Variants in SLC39A13 observed in about 807,000 individuals in gnomAD.
The protein encoded by SLC39A13 is solute carrier family 39 member 13, also known as zinc transporter ZIP13.
SLC39A13 carries 18 observed loss-of-function variants against 38.7 expected under a neutral mutation model. That is an observed-to-expected ratio of 0.47 (90% CI 0.32 to 0.69). SLC39A13 has a LOEUF of 0.69. Ranked by LOEUF, SLC39A13 falls within the 30% of genes least tolerant of loss-of-function variation. The pLI is 0.03. For synonymous variants in SLC39A13, 212 were observed against 219.1 expected (o/e 0.97, Z 0.29); for missense variants, 395 against 490.7 (o/e 0.80, Z 1.84).
chr11:47,411,561 C>T (rs2095999444), intron 2 of SLC39A13, among the ~76,000 whole-genome samples: 2 of 152,196 alleles, frequency 1.3e-5, no homozygotes, highest in Admixed American at 6.5e-5. Flanking sequence ...ACCAAGATCA[C>T]GCCACTGCAC....
chr11:47,411,106 T>G (rs540302389), intron 2 of SLC39A13, among the ~76,000 whole-genome samples: 2 of 152,294 alleles, frequency 1.3e-5, no homozygotes, highest in South Asian at 4.1e-4. Flanking sequence ...CAGTTTCCCC[T>G]GGGATCCCAC....
Position 47,415,356 on chromosome 11 carries a change from T to C in SLC39A13, c.1109T>C (p.Val370Ala). Reference protein sequence around the residue: ...IVVMVLFSLFVD With the variant: ...IVVMVLFSLFAD ...GTAATGGTGCTGTTCTCGCTCTTCG[T>C]GGATTAACTTTCCCTGATGCCGACG... The change falls in exon 10 of 10, where the codon GTG becomes GCG. Residue 370 changes from valine (V) to alanine (A), a missense_variant. Coordinates refer to ENST00000362021, the MANE Select transcript of SLC39A13 (RefSeq NM_001128225.3). The C allele has an allele frequency of 3.1e-6, 5 of 1,613,996 alleles. No individual in the cohort carries two copies. The highest frequency in any genetic ancestry group is 4.2e-6 in the Non-Finnish European group (5 of 1,180,000).
chr11:47,408,169 T>C (rs939224043), upstream of SLC39A13, among the ~76,000 whole-genome samples: 2 of 152,184 alleles, frequency 1.3e-5, no homozygotes, highest in African/African-American at 2.4e-5. Context: ...GAGCGCACAG[T>C]AGTCCTCCCA....
Position 47,415,377 on chromosome 11 carries a change from C to G in SLC39A13, c.*14C>G. 6.2e-7 allele frequency: 1 copy of G among 1,613,664 alleles called. No homozygotes were observed. The highest frequency in any genetic ancestry group is 1.6e-4 in the Middle Eastern group (1 of 6,062). Reference sequence around the variant, plus strand: ...TTCGTGGATTAACTTTCCCTGATGCCGACGCCCCTGCCCCCTGCAGCAATA... The same window carrying G: ...TTCGTGGATTAACTTTCCCTGATGCGGACGCCCCTGCCCCCTGCAGCAATA... On this transcript the variant is annotated 3_prime_UTR_variant, in exon 10 of 10. Coordinates refer to ENST00000362021, the MANE Select transcript of SLC39A13 (RefSeq NM_001128225.3).
In SLC39A13 at chr11:47,412,480, C is replaced by T. The variant is rs1198805632; in HGVS notation, c.537+13C>T. The stretch of plus-strand genomic sequence containing the variant: ...GGGGACCAGCCAGGTGGGCCCCACA[C>T]TCAAGGGCCTGGATATATCAGCCTC... On this transcript the variant is annotated intron_variant, in intron 4 of 9. Transcript: ENST00000362021. The T allele has an allele frequency of 8.7e-6, 14 of 1,614,004 alleles. No individual in the cohort carries two copies. Among genetic ancestry groups the T allele is most frequent in the Non-Finnish European group, 1.1e-5 (13 of 1,179,984 alleles).
At chr11:47,413,563 C>T (rs2096010538) in intron 5 of SLC39A13, 34 bp from the exon 6 acceptor site, 1 of 1,614,016 alleles carries the variant, frequency 6.2e-7, no homozygotes, top group Admixed American at 1.7e-5. Context: ...GCCAGCCCCA[C>T]TCAGCCCTGC....
chr11:47,411,831 C>A, intron 2 of SLC39A13, 95 bp from the exon 3 acceptor site: 2 of 1,237,126 alleles, frequency 1.6e-6, no homozygotes, highest in Non-Finnish European at 2.3e-6. Context: ...TCCAGCCTTG[C>A]AGGCCCAGAA....
chr11:47,411,824 A>C (rs1169063550), intron 2 of SLC39A13, 102 bp from the exon 3 acceptor site: 2 of 1,162,638 alleles, frequency 1.7e-6, no homozygotes, highest in Non-Finnish European at 1.2e-6. Context: ...ACCCATATCC[A>C]GCCTTGCAGG....
At position 47,414,785 on chromosome 11, in the gene SLC39A13, CTT is replaced by C; in HGVS notation, c.797_798del (p.Phe266CysfsTer9). 1 of 1,609,314 alleles carries C rather than the reference CTT, an allele frequency of 6.2e-7. No homozygotes were observed. The highest frequency in any genetic ancestry group is 8.5e-7 in the Non-Finnish European group (1 of 1,179,998). On this transcript the variant is annotated frameshift_variant, in exon 8 of 10. Coordinates refer to ENST00000362021, the MANE Select transcript of SLC39A13 (RefSeq NM_001128225.3). LOFTEE classifies it high-confidence loss of function. The part of the protein sequence containing the change: ...LHEIPHEVGD[F>X]AILLRAGFDR... The stretch of plus-strand genomic sequence containing the variant: ...TCTGGACCTCCCTTCAGGTGGGCGA[CTT>C]TGCCATCCTGCTCCGGGCCGGCTTT...
intron 2 of SLC39A13, among the ~76,000 whole-genome samples, chr11:47,411,195 C>T (rs561987823): frequency 2.0e-5 from 3 of 152,274 alleles, no homozygotes; most frequent in East Asian, 3.9e-4. Flanking sequence ...TTCAGGCAGG[C>T]GACTTCCAAC....
chr11:47,410,069 GC>G lies in SLC39A13; in HGVS notation c.-8-16del, dbSNP rs1292601033. 1 of 1,611,756 alleles carries G rather than the reference GC, an allele frequency of 6.2e-7. No individual in the cohort carries two copies. The highest frequency in any genetic ancestry group is 1.7e-5 in the Admixed American group (1 of 60,024). ...GCCAAGGCTGTAGCTCATATAGGTG[GC>G]CTTTTGTGTTTTTCAGTACGTGGCA... On this transcript the variant is annotated splice_polypyrimidine_tract_variant and intron_variant, in intron 1 of 9. Transcript: ENST00000362021.
chr11:47,414,975 C>A, intron 8 of SLC39A13, 64 bp from the exon 9 acceptor site: 4 of 1,607,778 alleles, frequency 2.5e-6, no homozygotes, highest in South Asian at 2.2e-5. Context: ...AAGGGTGTGG[C>A]TACCGCACTG....
intron 7 of SLC39A13, 132 bp downstream of exon 7, chr11:47,414,607 T>A: frequency 6.7e-7 from 1 of 1,483,066 alleles, no homozygotes; most frequent in South Asian, 1.1e-5. Flanking sequence ...CTGTGAGGGC[T>A]GGAGCTCCTC....
intron 6 of SLC39A13, chr11:47,413,962 CCCTCTGGCCTCTGG>C (rs749045643): frequency 1.4e-6 from 1 of 699,962 alleles, no homozygotes; most frequent in African/African-American, 1.7e-5. Context: ...TCTACCTCCT[CCCTCTGGCCTCTGG>C]CCTCTGGCCC....
At chr11:47,407,933 G>C (rs2095977986), upstream of SLC39A13, among the ~76,000 whole-genome samples, 1 of 152,234 alleles carries the variant, frequency 6.6e-6, no homozygotes, top group South Asian at 2.1e-4. Flanking sequence ...CAGGTTTGGA[G>C]TTCCCATCAG....
chr11:47,414,335 A>C (rs983213813), intron 6 of SLC39A13, 90 bp from the exon 7 acceptor site: 3 of 1,459,038 alleles, frequency 2.1e-6, no homozygotes, highest in Non-Finnish European at 2.8e-6. Context: ...GAGCCAGCTC[A>C]GAGCAGAGTA....
chr11:47,412,471 G>A lies in SLC39A13; in HGVS notation c.537+4G>A, dbSNP rs763061173. The A allele has an allele frequency of 1.2e-6, 2 of 1,614,110 alleles. No individual in the cohort carries two copies. The highest frequency in any genetic ancestry group is 1.7e-6 in the Non-Finnish European group (2 of 1,179,982). On this transcript the variant is annotated splice_donor_region_variant and intron_variant, in intron 4 of 9. Transcript: ENST00000362021. ...CAAGGAGGAGGGGACCAGCCAGGTG[G>A]GCCCCACACTCAAGGGCCTGGATAT...
Position 47,415,851 on chromosome 11 carries a change from CCCTT to C in SLC39A13, c.*495_*498del, listed in dbSNP as rs2096025262. On this transcript the variant is annotated 3_prime_UTR_variant, in exon 10 of 10. Transcript: ENST00000362021. ...GGGCGGCTTTGGTCCCTTTTCCTGG[CCCTT>C]CCTTCCCCACTTCTAAGCCAAAGAA... 4.2e-6 allele frequency: 1 copy of C among 240,752 alleles called. No individual in the cohort carries two copies. The highest frequency in any genetic ancestry group is 2.3e-5 in the African/African-American group (1 of 44,400). 14.9% of individuals were successfully genotyped at this position (240,752 alleles called of 1,614,324 possible).
rs983983551 is a variant in SLC39A13 at position 47,410,305 on chromosome 11, T to C, written c.211T>C (p.Ser71Pro). 4 of 1,614,060 alleles carry C rather than the reference T, an allele frequency of 2.5e-6. No homozygotes were observed. The South Asian group carries it at 3.3e-5, about 13-fold the overall frequency. Residue 71 changes from serine (S) to proline (P), a missense_variant, in exon 2 of 10, where the codon TCC (serine) becomes CCC (proline). Coordinates refer to ENST00000362021, the MANE Select transcript of SLC39A13 (RefSeq NM_001128225.3). ...AGAGCGGCTGGACACCTGGATCTGC[T>C]CCCTCCTGGGTTCCCTCATGGTGGG... ...SGERLDTWIC[S>P]LLGSLMVGLS...
Sources: gnomAD v4.1 joint callset for allele counts (sites outside exome capture counted in the v4.1 genomes callset) on GRCh38, gnomAD v4.1.1 for gene constraint, MANE v1.5 for transcripts, NCBI Gene and HGNC (gene_info 2026-07-23, HGNC 2026-07-21) for gene names.